LDLRAD4: variants seen among roughly 807,000 people sequenced by gnomAD.
LDLRAD4 encodes the protein low density lipoprotein receptor class A domain containing 4.
LDLRAD4 carries 5 observed loss-of-function variants against 17.0 expected under a neutral mutation model. That is an observed-to-expected ratio of 0.29 (90% CI 0.15 to 0.62). The LOEUF is 0.62. Among genes scored for constraint, LDLRAD4 ranks in the 20% least tolerant of loss-of-function variants. LDLRAD4 has a pLI of 0.84. For synonymous variants in LDLRAD4, 168 were observed against 171.8 expected (o/e 0.98, Z 0.17); for missense variants, 340 against 424.7 (o/e 0.80, Z 1.75).
At chr18:13,508,736 C>T (rs951415176) in intron 3 of LDLRAD4, among the ~76,000 whole-genome samples, 2 of 152,176 alleles carry the variant, frequency 1.3e-5, no homozygotes, top group African/African-American at 4.8e-5. Context: ...ATTAATAATG[C>T]ACCTGGTCAC....
chr18:13,642,154 T>A (rs1264265746), intron 4 of LDLRAD4: 2 of 985,346 alleles, frequency 2.0e-6, no homozygotes, highest in East Asian at 2.3e-4. Context: ...GATTCCAGGA[T>A]GTCCCCGAGT....
At chr18:13,544,862 C>T (rs537459614) in intron 3 of LDLRAD4, among the ~76,000 whole-genome samples, 4 of 145,574 alleles carry the variant, frequency 2.7e-5, no homozygotes, top group Middle Eastern at 7.2e-3. Flanking sequence ...GAAGGTTAGA[C>T]GTCATGGCAG....
At chr18:13,226,776 AG>A (rs2041831837) in intron 1 of LDLRAD4, among the ~76,000 whole-genome samples, 1 of 152,142 alleles carries the variant, frequency 6.6e-6, no homozygotes. Flanking sequence ...AATTCTACTC[AG>A]GTAGGTTCAG....
chr18:13,509,166 C>T (rs552489838), intron 3 of LDLRAD4, among the ~76,000 whole-genome samples: 2 of 152,308 alleles, frequency 1.3e-5, no homozygotes, highest in South Asian at 2.1e-4. Context: ...AAAACAAAAA[C>T]AGCCAGGCAT....
chr18:13,279,063 C>A (rs2045077407), intron 1 of LDLRAD4, among the ~76,000 whole-genome samples: 1 of 152,182 alleles, frequency 6.6e-6, no homozygotes. Flanking sequence ...CAAACCACGC[C>A]TGGGTTCTGT....
At chr18:13,576,030 G>A (rs1224464392) in intron 3 of LDLRAD4, among the ~76,000 whole-genome samples, 1 of 152,180 alleles carries the variant, frequency 6.6e-6, no homozygotes, top group East Asian at 1.9e-4. Flanking sequence ...TGGGTTGTCT[G>A]TTTACTCTGC....
chr18:13,318,422 C>T (rs539077214), intron 1 of LDLRAD4, among the ~76,000 whole-genome samples: 10 of 152,130 alleles, frequency 6.6e-5, no homozygotes, highest in South Asian at 6.2e-4. Flanking sequence ...CCACCACACC[C>T]GGCTAATTTT....
At chr18:13,641,033 T>C (rs1038951670) in intron 4 of LDLRAD4, among the ~76,000 whole-genome samples, 16 of 152,216 alleles carry the variant, frequency 1.1e-4, no homozygotes, top group African/African-American at 3.9e-4. Flanking sequence ...CAAGGGAGAA[T>C]GTATACATGT....
At chr18:13,578,653 G>A (rs1036904467) in intron 3 of LDLRAD4, among the ~76,000 whole-genome samples, 4 of 152,108 alleles carry the variant, frequency 2.6e-5, no homozygotes, top group African/African-American at 9.7e-5. Flanking sequence ...TGCAGATCGT[G>A]CACACAGCTG....
intron 2 of LDLRAD4, among the ~76,000 whole-genome samples, chr18:13,411,251 C>CAAA (rs71174170): frequency 5.6e-5 from 6 of 106,204 alleles, no homozygotes; most frequent in African/African-American, 2.0e-4. Flanking sequence ...GACCCTGTCT[C>CAAA]AAAAAAAAAA....
At chr18:13,396,397 G>A (rs529100468) in intron 2 of LDLRAD4, among the ~76,000 whole-genome samples, 2 of 152,328 alleles carry the variant, frequency 1.3e-5, no homozygotes, top group African/African-American at 4.8e-5. Context: ...TCCACTCATA[G>A]ACTTTACATC....
intron 3 of LDLRAD4, among the ~76,000 whole-genome samples, chr18:13,473,272 A>ATTC (rs2092826982): frequency 6.6e-6 from 1 of 152,216 alleles, no homozygotes; most frequent in African/African-American, 2.4e-5. Context: ...CGTGGCCTGG[A>ATTC]TTCTTCATCC....
intron 1 of LDLRAD4, among the ~76,000 whole-genome samples, chr18:13,234,559 T>C (rs1043244372): frequency 6.6e-6 from 1 of 152,172 alleles, no homozygotes; most frequent in African/African-American, 2.4e-5. Context: ...GATGGGGCTC[T>C]GGACTCCTCC....
At chr18:13,585,779 T>C (rs552250771) in intron 3 of LDLRAD4, among the ~76,000 whole-genome samples, 2 of 152,340 alleles carry the variant, frequency 1.3e-5, no homozygotes, top group South Asian at 4.1e-4. Flanking sequence ...TGGAGATTGC[T>C]GATTCCTGGT....
intron 2 of LDLRAD4, among the ~76,000 whole-genome samples, chr18:13,389,763 G>A (rs954462127): frequency 4.6e-5 from 7 of 151,826 alleles, no homozygotes; most frequent in African/African-American, 1.7e-4. Flanking sequence ...TGGGGTGCTG[G>A]GGATACCTCT....
chr18:13,250,992 A>C (rs1418173005), intron 1 of LDLRAD4, among the ~76,000 whole-genome samples: 10 of 152,226 alleles, frequency 6.6e-5, no homozygotes, highest in Non-Finnish European at 2.9e-5. Flanking sequence ...ATAATAGCAA[A>C]CCAAATCCAG....
At position 13,398,047 on chromosome 18, in the gene LDLRAD4, A is replaced by G. The variant is rs567636827; in HGVS notation, c.40+10285A>G. On this transcript the variant is annotated intron_variant, in intron 2 of 5. Coordinates refer to ENST00000359446, the Ensembl canonical transcript of LDLRAD4. This position sits in a 1 kb window ranked among gnomAD's most constrained non-coding sequence, Gnocchi z 4.8. ...GGCTCAGGATCTGCACAGGCCCGAG[A>G]GACCCTCCTTGAGGACGCAGTGGCC... Among the ~76,000 whole-genome samples the G allele has an allele frequency of 1.6e-4, 25 of 152,284 alleles. No individual in the cohort carries two copies. The highest frequency in any genetic ancestry group is 1.1e-3 in the Admixed American group (17 of 15,298).
In LDLRAD4 at chr18:13,337,170, C is replaced by T. The variant is rs140751065; in HGVS notation, c.-382-50171C>T. The stretch of plus-strand genomic sequence containing the variant: ...CTCTGAGATTTTTTAAATGGTCTTG[C>T]CTCTGATTCTTCGAAATGATATAAG... On this transcript the variant is annotated intron_variant, in intron 1 of 5. Transcript: ENST00000359446. 3.8e-4 allele frequency among the ~76,000 whole-genome samples: 58 copies of T among 152,258 alleles called. No individual in the cohort carries two copies. In the East Asian group the frequency reaches 0.011, roughly 29 times the overall value.
At chr18:13,500,694 T>C (rs1197851925) in intron 3 of LDLRAD4, 1 of 152,216 alleles carries the variant, frequency 6.6e-6, no homozygotes, top group Non-Finnish European at 1.5e-5. Context: ...GGAGAAAATC[T>C]ACATCAGAGG....
Sources: gnomAD v4.1 joint callset for allele counts (sites outside exome capture counted in the v4.1 genomes callset) on GRCh38, gnomAD v4.1.1 for gene constraint, Gnocchi (gnomAD v3.1) non-coding constraint, MANE v1.5 for transcripts, NCBI Gene and HGNC (gene_info 2026-07-23, HGNC 2026-07-21) for gene names.